The following ADGRG7 variants were observed in gnomAD, a reference collection of about 807,000 sequenced individuals.
ADGRG7 encodes the protein adhesion G protein-coupled receptor G7.
In ADGRG7, 82 loss-of-function variants were observed where a neutral mutation model predicts 88.6. The observed-to-expected ratio is 0.93, with a 90% CI of 0.77 to 1.11. The LOEUF (loss-of-function observed/expected upper bound fraction) is 1.11. Ranked by LOEUF, ADGRG7 falls within the 50% of genes most tolerant of loss-of-function variation. The pLI, the probability that ADGRG7 is intolerant of heterozygous loss-of-function variation, is 0.00. For synonymous variants in ADGRG7, 381 were observed against 345.2 expected (o/e 1.10, Z -1.15); for missense variants, 945 against 953.4 (o/e 0.99, Z 0.12).
intron 1 of ADGRG7, among the ~76,000 whole-genome samples, chr3:100,613,149 C>G (rs556770849): frequency 6.6e-6 from 1 of 152,316 alleles, no homozygotes; most frequent in South Asian, 2.1e-4. Flanking sequence ...CTCGGCCTCC[C>G]AAAGTGCTGG....
At chr3:100,645,844 C>A (rs1054005336) in intron 8 of ADGRG7, 101 bp from the exon 9 acceptor site, 1 of 1,058,202 alleles carries the variant, frequency 9.4e-7, no homozygotes, top group Non-Finnish European at 1.4e-6. Context: ...GTACTTTACT[C>A]AAATATTAAG....
intron 6 of ADGRG7, among the ~76,000 whole-genome samples, chr3:100,638,499 G>A (rs1452132631): frequency 6.6e-6 from 1 of 152,166 alleles, no homozygotes. Flanking sequence ...ACAGGATGGG[G>A]GAGTAGGGCA....
At chr3:100,668,924 A>T (rs1469831321) in intron 14 of ADGRG7, 25 bp from the exon 15 acceptor site, 1 of 1,549,344 alleles carries the variant, frequency 6.5e-7, no homozygotes, top group Non-Finnish European at 8.7e-7. Context: ...GAACCACATT[A>T]TTTTTCTTGT....
chr3:100,632,612 C>T (rs1310099929), intron 3 of ADGRG7, among the ~76,000 whole-genome samples: 1 of 152,116 alleles, frequency 6.6e-6, no homozygotes, highest in Non-Finnish European at 1.5e-5. Context: ...CAACTTTGTG[C>T]TTTACATATT....
intron 13 of ADGRG7, 23 bp downstream of exon 13, chr3:100,656,018 G>A: frequency 6.9e-7 from 1 of 1,454,766 alleles, no homozygotes; most frequent in East Asian, 2.3e-5. Context: ...TTTTTTAAAT[G>A]TCCAATTGTT....
At chr3:100,629,484 C>T in intron 1 of ADGRG7, 114 bp from the exon 2 acceptor site, 1 of 646,516 alleles carries the variant, frequency 1.5e-6, no homozygotes, top group Non-Finnish European at 2.8e-6. Flanking sequence ...GAATATTTCT[C>T]AGCAATGATA....
chr3:100,670,433 C>T (rs2094956954), intron 15 of ADGRG7, among the ~76,000 whole-genome samples: 1 of 152,120 alleles, frequency 6.6e-6, no homozygotes, highest in African/African-American at 2.4e-5. Context: ...TACTTTGCTT[C>T]TAAGTCTTGG....
rs563159500 is a variant in ADGRG7 at position 100,687,640 on chromosome 3, G to A, written c.2137-7104G>A. On this transcript the variant is annotated intron_variant, in intron 15 of 15. Coordinates refer to ENST00000273352, the MANE Select transcript of ADGRG7 (RefSeq NM_032787.3). Reference sequence around the variant, plus strand: ...TCTGCATCTATTGAGATAATCATGTGGTTTTTGTCTCTGGTTCTGTTTATA... The same window carrying A: ...TCTGCATCTATTGAGATAATCATGTAGTTTTTGTCTCTGGTTCTGTTTATA... Among the ~76,000 whole-genome samples the A allele has an allele frequency of 2.0e-5, 3 of 152,186 alleles. No individual in the cohort carries two copies. The South Asian group carries it at 6.2e-4, about 32-fold the overall frequency.
intron 15 of ADGRG7, among the ~76,000 whole-genome samples, chr3:100,676,374 G>A (rs1576336479): frequency 6.6e-6 from 1 of 151,886 alleles, no homozygotes; most frequent in Non-Finnish European, 1.5e-5. Context: ...TAATTGAGGA[G>A]CATATTGTTT....
chr3:100,644,201 G>T (rs955608453), intron 8 of ADGRG7, among the ~76,000 whole-genome samples: 4 of 150,736 alleles, frequency 2.7e-5, no homozygotes, highest in African/African-American at 9.7e-5. Flanking sequence ...AAAAAAATAA[G>T]TAAATCAAAC....
intron 14 of ADGRG7, among the ~76,000 whole-genome samples, chr3:100,663,480 C>A (rs1559684434): frequency 6.6e-6 from 1 of 151,998 alleles, no homozygotes; most frequent in African/African-American, 2.4e-5. Context: ...AATAAAGATT[C>A]TTTTGCCTCC....
Position 100,633,416 on chromosome 3 carries a change from T to A in ADGRG7, c.447+39T>A, listed in dbSNP as rs774589708. On this transcript the variant is annotated intron_variant, in intron 4 of 15. Coordinates refer to ENST00000273352, the MANE Select transcript of ADGRG7 (RefSeq NM_032787.3). ...CTCACTGATGGGCAACTGGAAGAAG[T>A]TCTGATTCCGTGCAGTTTCTGTTCT... The A allele has an allele frequency of 3.4e-6, 4 of 1,174,308 alleles. No homozygotes were observed. The South Asian group carries it at 6.0e-5, about 18-fold the overall frequency. The allele number at this position is 1,174,308 out of a possible 1,614,324, so 72.7% of individuals were successfully genotyped here.
intron 10 of ADGRG7, among the ~76,000 whole-genome samples, chr3:100,649,471 C>G (rs989976068): frequency 3.3e-5 from 5 of 152,132 alleles, no homozygotes; most frequent in Admixed American, 6.5e-5. Context: ...TTTTCCTTAA[C>G]TGAATTAGTT....
intron 1 of ADGRG7, among the ~76,000 whole-genome samples, chr3:100,612,179 T>C (rs1707163977): frequency 6.6e-6 from 1 of 152,150 alleles, no homozygotes; most frequent in Admixed American, 6.5e-5. Flanking sequence ...CTTTCACTTT[T>C]ATTTTTCTTG....
At chr3:100,618,313 T>C (rs1023026007) in intron 1 of ADGRG7, among the ~76,000 whole-genome samples, 2 of 152,202 alleles carry the variant, frequency 1.3e-5, no homozygotes, top group East Asian at 1.9e-4. Flanking sequence ...CTGAATGGTA[T>C]TGCCTAGGTT....
In ADGRG7 at chr3:100,648,383, A is replaced by G. The variant is rs116569514; in HGVS notation, c.1267-1312A>G. 3.5e-3 allele frequency among the ~76,000 whole-genome samples: 529 copies of G among 152,244 alleles called. 5 individuals are homozygous for G. Among genetic ancestry groups the G allele is most frequent in the Non-Finnish European group, 5.1e-3 (350 of 67,996 alleles). On this transcript the variant is annotated intron_variant, in intron 10 of 15. Coordinates refer to ENST00000273352, the MANE Select transcript of ADGRG7 (RefSeq NM_032787.3). ...AATCTGAAGACCTATGAATCTTACGATCCTTTTTGCATCTACTTAGTACAC... is the reference window on the plus strand; with the variant it reads ...AATCTGAAGACCTATGAATCTTACGGTCCTTTTTGCATCTACTTAGTACAC...
At chr3:100,690,778 A>T (rs1415227668) in intron 15 of ADGRG7, among the ~76,000 whole-genome samples, 2 of 152,074 alleles carry the variant, frequency 1.3e-5, no homozygotes, top group Non-Finnish European at 2.9e-5. Flanking sequence ...GTCCGCCCCT[A>T]CTTGGGGGTG....
intron 14 of ADGRG7, among the ~76,000 whole-genome samples, chr3:100,667,769 T>A (rs755542885): frequency 9.9e-5 from 15 of 152,120 alleles, no homozygotes; most frequent in Non-Finnish European, 1.5e-4. Flanking sequence ...TTCACAATGG[T>A]TGAACTAATT....
chr3:100,654,331 T>C (rs909169027), intron 11 of ADGRG7: 5 of 152,448 alleles, frequency 3.3e-5, no homozygotes, highest in East Asian at 1.9e-4. Context: ...GATGAATATA[T>C]TAATATCCTT....
Sources: allele counts gnomAD v4.1 joint callset (sites outside exome capture counted in the v4.1 genomes callset), GRCh38; gene constraint gnomAD v4.1.1; transcripts MANE v1.5; gene names NCBI Gene and HGNC (gene_info 2026-07-23, HGNC 2026-07-21).